The following CACNA1E variants were observed in gnomAD, a reference collection of about 807,000 sequenced individuals.
CACNA1E encodes the protein calcium voltage-gated channel subunit alpha1 E, also known as voltage-dependent R-type calcium channel subunit alpha-1E.
In CACNA1E, 40 loss-of-function variants were observed where a neutral mutation model predicts 259.2. That is an observed-to-expected ratio of 0.15 (90% CI 0.12 to 0.20). The LOEUF (loss-of-function observed/expected upper bound fraction) is 0.20. Among genes scored for constraint, CACNA1E ranks in the 10% least tolerant of loss-of-function variants. The probability of loss-of-function intolerance (pLI) is 1.00; values close to 1 mark genes in which losing one functional copy is unlikely to be tolerated. For synonymous variants in CACNA1E, 1,104 were observed against 1,138.5 expected (o/e 0.97, Z 0.61); for missense variants, 1,874 against 3,040.1 (o/e 0.62, Z 9.02).
chr1:181,743,643 C>T (rs1656784877), intron 25 of CACNA1E, among the ~76,000 whole-genome samples: 1 of 152,216 alleles, frequency 6.6e-6, no homozygotes, highest in Non-Finnish European at 1.5e-5. Flanking sequence ...GACAGCATCT[C>T]TGGAGAAATG....
At chr1:181,601,871 C>A (rs889416106) in intron 6 of CACNA1E, among the ~76,000 whole-genome samples, 1 of 152,218 alleles carries the variant, frequency 6.6e-6, no homozygotes, top group African/African-American at 2.4e-5. Context: ...ATGATCTGCT[C>A]TTCCACTCCC....
intron 1 of CACNA1E, among the ~76,000 whole-genome samples, chr1:181,381,685 C>G (rs1291240042): frequency 2.0e-5 from 3 of 152,110 alleles, no homozygotes; most frequent in Non-Finnish European, 4.4e-5. Context: ...CATGAAAGCC[C>G]TTTATATGCT....
chr1:181,442,160 T>G (rs981363798), intron 2 of CACNA1E, among the ~76,000 whole-genome samples: 1 of 150,390 alleles, frequency 6.6e-6, no homozygotes, highest in Non-Finnish European at 1.5e-5. Context: ...GGTACAGGTG[T>G]GAAGGGCACA....
At chr1:181,457,578 AG>A (rs1459776064) in intron 2 of CACNA1E, among the ~76,000 whole-genome samples, 2 of 152,194 alleles carry the variant, frequency 1.3e-5, no homozygotes, top group African/African-American at 4.8e-5. Context: ...CAACTTCTGC[AG>A]GGGGAGCCTA....
rs771968472 is a variant in CACNA1E at position 181,796,653 on chromosome 1, T to C, written c.6209-15T>C. ...GGACAGAGTTATAACCAAGTGCTTT[T>C]GTCACCTCTCACAGGCCACAAGTCT... On this transcript the variant is annotated splice_polypyrimidine_tract_variant and intron_variant, in intron 46 of 47. Transcript: ENST00000367573. The C allele has an allele frequency of 3.4e-5, 53 of 1,557,050 alleles. No individual in the cohort carries two copies. The highest frequency in any genetic ancestry group is 8.7e-7 in the Non-Finnish European group (1 of 1,143,458).
chr1:181,659,251 G>A (rs1489893862), intron 7 of CACNA1E, among the ~76,000 whole-genome samples: 1 of 152,180 alleles, frequency 6.6e-6, no homozygotes, highest in Non-Finnish European at 1.5e-5. Flanking sequence ...GATGCCAAGT[G>A]TGGAAATGAC....
chr1:181,416,248 C>G (rs573976134), intron 2 of CACNA1E, among the ~76,000 whole-genome samples: 13 of 152,304 alleles, frequency 8.5e-5, no homozygotes, highest in African/African-American at 2.9e-4. Flanking sequence ...GCCAGTAGGC[C>G]AGGCCATCTT....
chr1:181,400,989 CA>C (rs1440950804), intron 1 of CACNA1E, among the ~76,000 whole-genome samples: 2 of 152,306 alleles, frequency 1.3e-5, no homozygotes, highest in African/African-American at 2.4e-5. Context: ...TACCTCAGAG[CA>C]AAAGGCAAAG....
At chr1:181,750,873 TTAAAA>T (rs759647695) in intron 26 of CACNA1E, among the ~76,000 whole-genome samples, 14 of 152,278 alleles carry the variant, frequency 9.2e-5, no homozygotes, top group Admixed American at 1.3e-4. Flanking sequence ...TAAGAGAGTC[TTAAAA>T]TAAACATTCT....
At chr1:181,720,420 A>G in intron 14 of CACNA1E, 83 bp downstream of exon 14, 1 of 1,434,886 alleles carries the variant, frequency 7.0e-7, no homozygotes, top group Admixed American at 2.0e-5. Context: ...TAACTCAATC[A>G]CCATGTTACT....
intron 7 of CACNA1E, among the ~76,000 whole-genome samples, chr1:181,659,270 C>G (rs989641099): frequency 1.3e-5 from 2 of 152,148 alleles, no homozygotes; most frequent in Non-Finnish European, 2.9e-5. Context: ...ACTGAGGCAC[C>G]TGCCTCTGGG....
At chr1:181,631,426 G>T (rs1165804154) in intron 6 of CACNA1E, among the ~76,000 whole-genome samples, 1 of 152,098 alleles carries the variant, frequency 6.6e-6, no homozygotes, top group Non-Finnish European at 1.5e-5. Flanking sequence ...GCAGTTTTCA[G>T]TCTCTCTGAA....
intron 6 of CACNA1E, among the ~76,000 whole-genome samples, chr1:181,635,604 G>A (rs116713597): frequency 6.6e-6 from 1 of 152,142 alleles, no homozygotes; most frequent in Non-Finnish European, 1.5e-5. Context: ...AACACAGATT[G>A]CTGAGCTTCC....
chr1:181,448,334 G>A (rs12565562), intron 2 of CACNA1E, among the ~76,000 whole-genome samples: 52,859 of 152,104 alleles, frequency 0.35, 9,392 homozygotes, highest in African/African-American at 0.4. Flanking sequence ...AGATGAGATA[G>A]ATACTATCCT....
chr1:181,399,279 G>C (rs773821688), intron 1 of CACNA1E, among the ~76,000 whole-genome samples: 5 of 150,316 alleles, frequency 3.3e-5, no homozygotes, highest in Admixed American at 3.3e-4. Flanking sequence ...AAAATCTTGT[G>C]GTCTTCTAAG....
At chr1:181,745,076 G>A (rs1656932995) in intron 25 of CACNA1E, among the ~76,000 whole-genome samples, 1 of 152,192 alleles carries the variant, frequency 6.6e-6, no homozygotes, top group Non-Finnish European at 1.5e-5. Context: ...TATCATAGCT[G>A]CCTTGAAAAT....
intron 1 of CACNA1E, among the ~76,000 whole-genome samples, chr1:181,351,455 A>G (rs1424581729): frequency 6.6e-6 from 1 of 152,184 alleles, no homozygotes; most frequent in Non-Finnish European, 1.5e-5. Context: ...AGATAAAGTG[A>G]TTTGGATGTT....
chr1:181,507,918 C>G (rs937667025), intron 1 of CACNA1E, among the ~76,000 whole-genome samples: 1 of 152,086 alleles, frequency 6.6e-6, no homozygotes, highest in African/African-American at 2.4e-5. Context: ...GTTGTGAACA[C>G]TTTTGTTAGG....
intron 6 of CACNA1E, among the ~76,000 whole-genome samples, chr1:181,638,463 C>T (rs1353486689): frequency 6.6e-6 from 1 of 152,128 alleles, no homozygotes. Context: ...CCAGGCAATA[C>T]AATATAGCTT....
Sources: gnomAD v4.1 joint callset for allele counts (sites outside exome capture counted in the v4.1 genomes callset) on GRCh38, gnomAD v4.1.1 for gene constraint, MANE v1.5 for transcripts, NCBI Gene and HGNC (gene_info 2026-07-23, HGNC 2026-07-21) for gene names.